Variants in SENP7 observed in about 807,000 individuals in gnomAD.
SENP7 encodes the protein sentrin-specific protease 7.
A neutral mutation model predicts 141.2 loss-of-function variants in SENP7; 64 were observed. The observed-to-expected ratio is 0.45, with a 90% CI of 0.37 to 0.56. The LOEUF (loss-of-function observed/expected upper bound fraction) is 0.56, where lower values mean the gene tolerates loss of function less well. SENP7 is among the 20% of genes least tolerant of loss of function. The pLI, the probability that SENP7 is intolerant of heterozygous loss-of-function variation, is 0.00. For synonymous variants in SENP7, 382 were observed against 426.4 expected (o/e 0.90, Z 1.28); for missense variants, 1,025 against 1,212.2 (o/e 0.85, Z 2.29).
chr3:101,466,902 A>C (rs1205675927), intron 3 of SENP7, among the ~76,000 whole-genome samples: 1 of 152,178 alleles, frequency 6.6e-6, no homozygotes, highest in African/African-American at 2.4e-5. Context: ...CGGGAAGTGC[A>C]AGGAGTCAGG....
intron 3 of SENP7, among the ~76,000 whole-genome samples, chr3:101,463,981 T>C (rs1250790707): frequency 6.6e-6 from 1 of 151,962 alleles, no homozygotes; most frequent in African/African-American, 2.4e-5. Context: ...CCCACTACCA[T>C]GCCCAGCTAA....
intron 2 of SENP7, among the ~76,000 whole-genome samples, chr3:101,498,115 TTC>T (rs1378165999): frequency 6.6e-6 from 1 of 152,130 alleles, no homozygotes; most frequent in African/African-American, 2.4e-5. Flanking sequence ...AGAATTTACA[TTC>T]ATAAATCTAT....
chr3:101,357,683 C>T (rs749144485), intron 11 of SENP7: 17 of 731,670 alleles, frequency 2.3e-5, no homozygotes, highest in Non-Finnish European at 3.7e-5. Context: ...AAAAATATTT[C>T]AATGTGATAA....
intron 4 of SENP7, among the ~76,000 whole-genome samples, chr3:101,420,648 G>C (rs1328942403): frequency 1.3e-5 from 2 of 152,180 alleles, no homozygotes; most frequent in Non-Finnish European, 2.9e-5. Context: ...ATCAAACATA[G>C]GAGTACTAAG....
At chr3:101,475,656 A>AT (rs2064186795) in intron 3 of SENP7, among the ~76,000 whole-genome samples, 1 of 152,220 alleles carries the variant, frequency 6.6e-6, no homozygotes. Flanking sequence ...ACGTTTACCT[A>AT]TTTAACAAAT....
At chr3:101,330,606 C>T (rs1222966815) in intron 19 of SENP7, among the ~76,000 whole-genome samples, 1 of 152,052 alleles carries the variant, frequency 6.6e-6, no homozygotes, top group East Asian at 1.9e-4. Flanking sequence ...ACCCCAGAGC[C>T]ATGATTGGAA....
intron 5 of SENP7, among the ~76,000 whole-genome samples, chr3:101,410,708 G>T (rs1484622491): frequency 6.6e-6 from 1 of 151,956 alleles, no homozygotes; most frequent in Non-Finnish European, 1.5e-5. Context: ...AGCCGGGCAT[G>T]GTGGCACACA....
chr3:101,490,068 C>T (rs2064901435), intron 3 of SENP7, among the ~76,000 whole-genome samples: 2 of 152,096 alleles, frequency 1.3e-5, no homozygotes, highest in South Asian at 4.1e-4. Context: ...CCTGTAATCC[C>T]AGCTACTCGG....
chr3:101,401,586 A>C (rs535648657), intron 5 of SENP7, among the ~76,000 whole-genome samples: 1 of 152,124 alleles, frequency 6.6e-6, no homozygotes, highest in African/African-American at 2.4e-5. Context: ...CACACAAATA[A>C]TAAGAAAGCA....
chr3:101,446,148 C>G lies in SENP7; in HGVS notation c.284+12807G>C, dbSNP rs909172198. On this transcript the variant is annotated intron_variant, in intron 4 of 23. Coordinates refer to ENST00000394095, the MANE Select transcript of SENP7 (RefSeq NM_020654.5). ...AGTGTAGTGCCTCTCCCTTCGTTCT[C>G]TCTTTCTCCTGCTCCAGCCATGTAC... 2.6e-5 allele frequency among the ~76,000 whole-genome samples: 4 copies of G among 152,302 alleles called. No individual in the cohort carries two copies. The South Asian group carries it at 6.2e-4, about 24-fold the overall frequency.
At chr3:101,359,708 T>C (rs1022132963) in intron 11 of SENP7, among the ~76,000 whole-genome samples, 4 of 151,968 alleles carry the variant, frequency 2.6e-5, no homozygotes, top group Non-Finnish European at 5.9e-5. Context: ...AAATAGTACA[T>C]ATTATGTAAT....
At chr3:101,422,398 T>G (rs557502123) in intron 4 of SENP7, among the ~76,000 whole-genome samples, 11 of 152,306 alleles carry the variant, frequency 7.2e-5, no homozygotes, top group South Asian at 6.2e-4. Flanking sequence ...ACCTCAGTGG[T>G]GGTTAAAATC....
intron 5 of SENP7, chr3:101,414,310 A>G: frequency 4.0e-6 from 3 of 745,254 alleles, no homozygotes; most frequent in Non-Finnish European, 7.4e-6. Context: ...GCAGGGTCTC[A>G]TGTTCCGGTG....
intron 17 of SENP7, 159 bp downstream of exon 17, chr3:101,337,350 G>C (rs893200789): frequency 2.3e-6 from 1 of 437,352 alleles, no homozygotes; most frequent in Non-Finnish European, 4.1e-6. Flanking sequence ...CAAAACAGTG[G>C]AAGGATGAGA....
intron 4 of SENP7, among the ~76,000 whole-genome samples, chr3:101,442,153 T>C (rs1241586899): frequency 6.6e-6 from 1 of 151,776 alleles, no homozygotes; most frequent in Non-Finnish European, 1.5e-5. Context: ...GCATGACACC[T>C]CCAAAAAAAT....
intron 13 of SENP7, among the ~76,000 whole-genome samples, chr3:101,347,019 G>A (rs998681247): frequency 6.6e-6 from 1 of 151,194 alleles, no homozygotes; most frequent in Non-Finnish European, 1.5e-5. Context: ...GGAAGGAGGA[G>A]GAAGAAAATG....
chr3:101,463,375 A>ATATATGTG, intron 3 of SENP7, among the ~76,000 whole-genome samples: 1 of 86,744 alleles, frequency 1.2e-5, no homozygotes, highest in Admixed American at 1.2e-4. Context: ...ATATATATAT[A>ATATATGTG]TATATATATA....
chr3:101,368,235 T>G (rs1302545489), intron 7 of SENP7, among the ~76,000 whole-genome samples: 1 of 151,738 alleles, frequency 6.6e-6, no homozygotes, highest in Non-Finnish European at 1.5e-5. Context: ...AGTTGTGAGG[T>G]GAGAAAAATA....
chr3:101,413,300 T>A (rs1475467980), intron 5 of SENP7, among the ~76,000 whole-genome samples: 4 of 152,152 alleles, frequency 2.6e-5, no homozygotes, highest in Non-Finnish European at 5.9e-5. Context: ...ATAGCAAGTA[T>A]CAGGTAGAAA....
Sources: allele counts gnomAD v4.1 joint callset (sites outside exome capture counted in the v4.1 genomes callset), GRCh38; gene constraint gnomAD v4.1.1; transcripts MANE v1.5; gene names NCBI Gene and HGNC (gene_info 2026-07-23, HGNC 2026-07-21).